The following SND1 variants were observed in gnomAD, a reference collection of about 807,000 sequenced individuals.
The protein encoded by SND1 is staphylococcal nuclease and tudor domain containing 1, also known as staphylococcal nuclease domain-containing protein 1.
In SND1, 38 loss-of-function variants were observed where a neutral mutation model predicts 121.7. That is an observed-to-expected ratio of 0.31 (90% CI 0.24 to 0.41). The LOEUF (loss-of-function observed/expected upper bound fraction) is 0.41. Ranked by LOEUF, SND1 falls within the 10% of genes least tolerant of loss-of-function variation. The probability of loss-of-function intolerance (pLI) is 1.00; values close to 1 mark genes in which losing one functional copy is unlikely to be tolerated. For synonymous variants in SND1, 401 were observed against 447.4 expected, an observed-to-expected ratio of 0.90 and a Z score of 1.31; for missense variants, 868 against 1,184.6, an observed-to-expected ratio of 0.73 and a Z score of 3.92.
intron 12 of SND1, among the ~76,000 whole-genome samples, chr7:127,847,617 T>G (rs1239872869): frequency 6.6e-6 from 1 of 152,244 alleles, no homozygotes; most frequent in African/African-American, 2.4e-5. Flanking sequence ...AACCTTATAT[T>G]TTTGTGATTT....
rs543207022 is a variant in SND1 at position 128,015,779 on chromosome 7, A to G, written c.1779+24723A>G. Among the ~76,000 whole-genome samples, 1 of 152,114 alleles carries G rather than the reference A, an allele frequency of 6.6e-6. No homozygotes were observed. The highest frequency in any genetic ancestry group is 2.4e-5 in the African/African-American group (1 of 41,410). On this transcript the variant is annotated intron_variant, in intron 16 of 23. Transcript: ENST00000354725. The surrounding 1 kb of genome is among the most constrained non-coding windows in gnomAD (Gnocchi z 4.5). ...TTGCTGGCTTCTTGGTGAGCAGCAG[A>G]AATTTGGAGCTGTACAGGAATCAGA...
chr7:127,945,478 G>A (rs990192164), intron 15 of SND1, among the ~76,000 whole-genome samples: 3 of 151,550 alleles, frequency 2.0e-5, no homozygotes, highest in South Asian at 2.1e-4. Flanking sequence ...GTGACAGAGC[G>A]AGACTCCATC....
chr7:127,698,960 A>G lies in SND1; in HGVS notation c.428+7A>G, dbSNP rs199979828. 3 of 1,609,546 alleles carry G rather than the reference A, an allele frequency of 1.9e-6. No individual in the cohort carries two copies. Among genetic ancestry groups the G allele is most frequent in the South Asian group, 2.2e-5 (2 of 90,954 alleles). ...AAGGCATGAGAGCTAATAAGTAAGT[A>G]TTCATTACTCCGCTGTCTCTCTGAC... On this transcript the variant is annotated splice_region_variant and intron_variant, in intron 4 of 23. Transcript: ENST00000354725.
intron 16 of SND1, among the ~76,000 whole-genome samples, chr7:128,073,103 G>A (rs1308179485): frequency 6.6e-6 from 1 of 152,150 alleles, no homozygotes; most frequent in Non-Finnish European, 1.5e-5. Flanking sequence ...AGAAGGCTGT[G>A]GAAAGGGGGT....
At chr7:127,885,768 T>C (rs1799893329) in intron 12 of SND1, among the ~76,000 whole-genome samples, 1 of 152,132 alleles carries the variant, frequency 6.6e-6, no homozygotes, top group Admixed American at 6.6e-5. Flanking sequence ...ATTCCCACTT[T>C]CTCCTCCAAA....
intron 13 of SND1, among the ~76,000 whole-genome samples, chr7:127,895,822 A>C (rs1279060258): frequency 6.6e-6 from 1 of 151,974 alleles, no homozygotes; most frequent in African/African-American, 2.4e-5. Context: ...CTCCATTTCC[A>C]AATAGTTTTC....
In SND1 at chr7:127,697,845, T is replaced by C. The variant is rs139472296; in HGVS notation, c.350-1030T>C. On this transcript the variant is annotated intron_variant, in intron 3 of 23. Transcript: ENST00000354725. ...CGATGTGTAGTGTGCCGAATGTAAA[T>C]CTTACAGAATTTTATTATTTGCTGA... Among the ~76,000 whole-genome samples the C allele has an allele frequency of 6.9e-4, 105 of 152,298 alleles. 5 individuals are homozygous for C. The East Asian group carries it at 0.019, about 27-fold the overall frequency.
intron 16 of SND1, among the ~76,000 whole-genome samples, chr7:128,048,936 G>A (rs566728497): frequency 6.0e-4 from 92 of 152,294 alleles, no homozygotes; most frequent in African/African-American, 2.0e-3. Flanking sequence ...CTGTTCACAC[G>A]GGTGTTTGTC....
intron 9 of SND1, among the ~76,000 whole-genome samples, chr7:127,709,261 G>A (rs771446885): frequency 1.4e-4 from 22 of 152,162 alleles, no homozygotes; most frequent in Admixed American, 3.9e-4. Context: ...TATGCTTCCC[G>A]TAGTTAGCAT....
intron 1 of SND1, among the ~76,000 whole-genome samples, chr7:127,676,081 T>C (rs888228302): frequency 5.9e-5 from 9 of 152,216 alleles, no homozygotes; most frequent in African/African-American, 1.9e-4. Context: ...GTCATCGATA[T>C]TTTGGCTCAT....
intron 13 of SND1, among the ~76,000 whole-genome samples, chr7:127,896,782 A>T: frequency 6.6e-6 from 1 of 152,068 alleles, no homozygotes; most frequent in Non-Finnish European, 1.5e-5. Context: ...TGGCTCCTTA[A>T]TTCGATTCCT....
At chr7:127,711,052 C>T (rs1796289079) in intron 9 of SND1, among the ~76,000 whole-genome samples, 1 of 152,166 alleles carries the variant, frequency 6.6e-6, no homozygotes, top group Non-Finnish European at 1.5e-5. Context: ...TAAATCTCCT[C>T]TCAAGAGGAG....
intron 13 of SND1, among the ~76,000 whole-genome samples, chr7:127,888,346 T>C (rs1799949812): frequency 6.6e-6 from 1 of 152,162 alleles, no homozygotes; most frequent in South Asian, 2.1e-4. Context: ...GAAGCCGTGC[T>C]TATGTCTGTA....
At chr7:128,014,298 T>G (rs1480059939) in intron 16 of SND1, among the ~76,000 whole-genome samples, 1 of 152,220 alleles carries the variant, frequency 6.6e-6, no homozygotes, top group Non-Finnish European at 1.5e-5. Context: ...ATCCTGGGTA[T>G]ACCTTTGAAT....
intron 12 of SND1, among the ~76,000 whole-genome samples, chr7:127,871,669 G>A (rs553250341): frequency 6.6e-6 from 1 of 152,068 alleles, no homozygotes; most frequent in African/African-American, 2.4e-5. Context: ...CTGCCATAGC[G>A]CTCCAAACTA....
intron 1 of SND1, among the ~76,000 whole-genome samples, chr7:127,677,936 A>T (rs1284223414): frequency 6.6e-6 from 1 of 152,172 alleles, no homozygotes; most frequent in Non-Finnish European, 1.5e-5. Flanking sequence ...CTTTTGTAAT[A>T]TTGGACTCTA....
At chr7:127,825,961 G>A (rs1049964874) in intron 11 of SND1, among the ~76,000 whole-genome samples, 9 of 152,114 alleles carry the variant, frequency 5.9e-5, no homozygotes, top group African/African-American at 1.7e-4. Context: ...GGAAGCCGAG[G>A]CGGTGGATCA....
chr7:127,887,929 A>C lies in SND1; in HGVS notation c.1371A>C (p.Lys457Asn). 6.2e-7 allele frequency: 1 copy of C among 1,612,002 alleles called. No individual in the cohort carries two copies. The highest frequency in any genetic ancestry group is 2.2e-5 in the East Asian group (1 of 44,736). Residue 457 changes from lysine to asparagine, a missense_variant, in exon 13 of 24, where the codon AAA (lysine) becomes AAC (asparagine). Lys to Asn is a moderately conservative substitution (Grantham distance 94, BLOSUM62 0). Transcript: ENST00000354725. ...GINIAEALVSKGLATVIRYRQ... is the reference protein window; with the variant it reads ...GINIAEALVSNGLATVIRYRQ... ...ACATTGCTGAGGCTCTTGTCAGCAAAGGTCTAGCCACAGTGATCAGATACC... is the reference window on the plus strand; with the variant it reads ...ACATTGCTGAGGCTCTTGTCAGCAACGGTCTAGCCACAGTGATCAGATACC...
chr7:127,669,992 A>C (rs934756447), intron 1 of SND1, among the ~76,000 whole-genome samples: 5 of 151,834 alleles, frequency 3.3e-5, no homozygotes, highest in African/African-American at 1.2e-4. Context: ...TTATTTAACT[A>C]ATTCTAATTT....
Sources: allele counts gnomAD v4.1 joint callset (sites outside exome capture counted in the v4.1 genomes callset), GRCh38; gene constraint gnomAD v4.1.1; non-coding constraint Gnocchi (gnomAD v3.1); transcripts MANE v1.5; gene names NCBI Gene and HGNC (gene_info 2026-07-23, HGNC 2026-07-21).